The following INPP5B variants were observed in gnomAD, a reference collection of about 807,000 sequenced individuals.
INPP5B encodes type II inositol 1,4,5-trisphosphate 5-phosphatase.
A neutral mutation model predicts 118.5 loss-of-function variants in INPP5B; 90 were observed. That is an observed-to-expected ratio of 0.76 (90% CI 0.64 to 0.90). The LOEUF (loss-of-function observed/expected upper bound fraction) is 0.90, where lower values mean the gene tolerates loss of function less well. Ranked by LOEUF, INPP5B falls within the 40% of genes least tolerant of loss-of-function variation. The pLI is 0.00. For missense variants in INPP5B, 984 were observed against 1,125.6 expected (o/e 0.87, Z 1.80); for synonymous variants, 385 against 418.9 (o/e 0.92, Z 0.99).
intron 17 of INPP5B, 53 bp from the exon 18 acceptor site, chr1:37,874,208 GC>G: frequency 1.4e-6 from 2 of 1,395,146 alleles, no homozygotes; most frequent in Non-Finnish European, 1.9e-6. Flanking sequence ...TCAGCAACCT[GC>G]CCAGCCACCC....
At position 37,911,944 on chromosome 1, in the gene INPP5B, C is replaced by T. The variant is rs537815468; in HGVS notation, c.532+19969G>A. Among the ~76,000 whole-genome samples the T allele has an allele frequency of 5.3e-5, 8 of 152,290 alleles. No individual in the cohort carries two copies. In the East Asian group the frequency reaches 1.5e-3, roughly 29 times the overall value. On this transcript the variant is annotated intron_variant, in intron 7 of 23. Transcript: ENST00000373024. ...CGGCCAGGACTGGACAGTACTTTGC[C>T]CTTCTCAGAATTAGAGCCTGTCCTC...
At chr1:37,901,299 G>A (rs1644323920) in intron 7 of INPP5B, among the ~76,000 whole-genome samples, 1 of 152,086 alleles carries the variant, frequency 6.6e-6, no homozygotes, top group Non-Finnish European at 1.5e-5. Context: ...CTATCTTCCT[G>A]TGTGACATGA....
chr1:37,898,674 G>A (rs1385488912), intron 7 of INPP5B, among the ~76,000 whole-genome samples: 2 of 148,066 alleles, frequency 1.4e-5, no homozygotes, highest in Non-Finnish European at 3.0e-5. Flanking sequence ...TGGCCTGGGC[G>A]AAAGGTGAGA....
chr1:37,887,649 CA>C (rs1643617409), intron 10 of INPP5B, among the ~76,000 whole-genome samples, 184 bp from the exon 11 acceptor site: 1 of 152,060 alleles, frequency 6.6e-6, no homozygotes, highest in African/African-American at 2.4e-5. Flanking sequence ...CTGTTGCAAA[CA>C]AAAACCCATT....
rs185569565 is a variant in INPP5B, at chr1:37,945,783, C to A, written c.125G>T (p.Arg42Leu). Residue 42 changes from arginine to leucine, a missense_variant, in exon 3 of 24, where the codon CGC (arginine) becomes CTC (leucine). By Grantham distance (102) the Arg-to-Leu change is moderately radical. Around this residue, in one of 2 missense-constraint regions of INPP5B, gnomAD observed 350 missense variants for 334.6 expected, o/e 1.05. Coordinates refer to ENST00000373024, the MANE Select transcript of INPP5B (RefSeq NM_005540.3). Reference protein sequence around the residue: ...QSRLLGLVRYRLEHGGQEHAL... With the variant: ...QSRLLGLVRYLLEHGGQEHAL... ...GTGTTCCTGGCCGCCGTGCTCCAGG[C>A]GGTAGCGCACGAGTCCCAGGAGGCG... The A allele has an allele frequency of 1.9e-6, 3 of 1,613,840 alleles. No homozygotes were observed. The African/African-American group carries it at 4.0e-5, about 22-fold the overall frequency.
rs927824248 is a variant in INPP5B, at chr1:37,894,565, T to C, written c.533-3111A>G. ...GCGTCTATGTTTTTCTTTTTTCTTTTTTTTTTTTTTTTTTGAGACAGGGTC... is the reference window on the plus strand; with the variant it reads ...GCGTCTATGTTTTTCTTTTTTCTTTCTTTTTTTTTTTTTTGAGACAGGGTC... On this transcript the variant is annotated intron_variant, in intron 7 of 23. Coordinates refer to ENST00000373024, the MANE Select transcript of INPP5B (RefSeq NM_005540.3). 1.1e-4 allele frequency among the ~76,000 whole-genome samples: 13 copies of C among 122,954 alleles called. No homozygotes were observed. In the South Asian group the frequency reaches 1.7e-3, roughly 16 times the overall value. 80.7% of individuals were successfully genotyped at this position (122,954 alleles called of 152,430 possible). A position where few individuals can be genotyped will look rare whatever the true frequency, so the allele number is the denominator to read the frequency against.
rs1437447044 is a variant in INPP5B at position 37,865,895 on chromosome 1, GC to G, written c.2387-8del. 20 of 1,611,912 alleles carry G rather than the reference GC, an allele frequency of 1.2e-5. No homozygotes were observed. Among genetic ancestry groups the G allele is most frequent in the East Asian group, 2.2e-5 (1 of 44,734 alleles). On this transcript the variant is annotated splice_polypyrimidine_tract_variant and splice_region_variant and intron_variant, in intron 21 of 23. Transcript: ENST00000373024. ...ACAGAATGATTGCTGGCAGCTTTTG[GC>G]CCCATTGTTAAGGAACCGATAATGC... is the stretch of plus-strand genomic sequence containing the variant.
At chr1:37,913,374 A>T (rs1313191512) in intron 7 of INPP5B, among the ~76,000 whole-genome samples, 1 of 152,052 alleles carries the variant, frequency 6.6e-6, no homozygotes. Context: ...GAGCCCCAAA[A>T]CTCGCCAACC....
At chr1:37,864,258 A>G in intron 23 of INPP5B, 54 bp downstream of exon 23, 1 of 988,196 alleles carries the variant, frequency 1.0e-6, no homozygotes. Flanking sequence ...CTCATTTCTC[A>G]TTACGAGTCT....
At position 37,873,061 on chromosome 1, in the gene INPP5B, C is replaced by T. The variant is rs778773049; in HGVS notation, c.2056G>A (p.Asp686Asn). 1 of 1,614,134 alleles carries T rather than the reference C, an allele frequency of 6.2e-7. No homozygotes were observed. Among genetic ancestry groups the T allele is most frequent in the South Asian group, 1.1e-5 (1 of 91,086 alleles). Residue 686 changes from aspartate to asparagine, a missense_variant, in exon 19 of 24, where the codon GAC (aspartate) becomes AAC (asparagine). Physicochemically the swap from Asp to Asn is conservative, Grantham distance 23 (BLOSUM62 1). This residue lies in a region of INPP5B where 634 missense variants were observed against 791.0 expected (regional missense o/e 0.80). Transcript: ENST00000373024. ...KIEDILVLHL[D>N]RGKDYFLSVS... ...GACAAAAAGTAATCCTTTCCCCTGT[C>T]CAAGTGCAGAACCAGAATGTCCTCA...
At chr1:37,863,095 G>A (rs1029189101) in intron 23 of INPP5B, among the ~76,000 whole-genome samples, 4 of 152,170 alleles carry the variant, frequency 2.6e-5, no homozygotes, top group Admixed American at 2.6e-4. Context: ...CACGGGCGTT[G>A]GAGGGTGTGG....
At chr1:37,863,116 C>T (rs1429695694) in intron 23 of INPP5B, among the ~76,000 whole-genome samples, 1 of 152,060 alleles carries the variant, frequency 6.6e-6, no homozygotes, top group Non-Finnish European at 1.5e-5. Context: ...CCCGGTGGCC[C>T]CTGTCCAAGG....
rs375729470 is a variant in INPP5B, at chr1:37,872,928, A to G, written c.2187+2T>C. ...GATGTTTCTTTGTGGCATATTACTC[A>G]CCAGCTCACTAATGGTTTCAAGTGG... On this transcript the variant is annotated splice_donor_variant, in intron 19 of 23. Transcript: ENST00000373024. LOFTEE classifies it high-confidence loss of function. 3.7e-6 allele frequency: 6 copies of G among 1,608,434 alleles called. No homozygotes were observed. The African/African-American group carries it at 5.4e-5, about 14-fold the overall frequency.
chr1:37,889,672 T>C lies in INPP5B; in HGVS notation c.682A>G (p.Thr228Ala). 1.2e-6 allele frequency: 2 copies of C among 1,613,852 alleles called. No homozygotes were observed. Among genetic ancestry groups the C allele is most frequent in the South Asian group, 2.2e-5 (2 of 91,012 alleles). ...AAAATATGAGCCTTGTCCGACACTG[T>C]GATAGTGGAGGAGCGAACCATGTCA... The part of the protein sequence containing the change: ...ITDMVRSSTI[T>A]VSDKAHILSM... Residue 228 changes from threonine (T) to alanine (A), a missense_variant, in exon 9 of 24, where the codon ACA becomes GCA. Thr to Ala is a moderately conservative substitution (Grantham distance 58). This residue lies in a region of INPP5B where 350 missense variants were observed against 334.6 expected (regional missense o/e 1.05). Coordinates refer to ENST00000373024, the MANE Select transcript of INPP5B (RefSeq NM_005540.3).
At chr1:37,876,584 G>A (rs1021374940) in intron 16 of INPP5B, among the ~76,000 whole-genome samples, 1 of 141,398 alleles carries the variant, frequency 7.1e-6, no homozygotes, top group African/African-American at 2.6e-5. Context: ...AAAAAAAAGG[G>A]CCCGGTGGCT....
intron 7 of INPP5B, among the ~76,000 whole-genome samples, chr1:37,919,763 A>AC (rs1644990453): frequency 6.6e-6 from 1 of 152,034 alleles, no homozygotes; most frequent in Non-Finnish European, 1.5e-5. Context: ...AAATGGCGAA[A>AC]CCCCATCTCT....
intron 8 of INPP5B, 93 bp downstream of exon 8, chr1:37,891,265 C>T: frequency 1.2e-6 from 1 of 845,438 alleles, no homozygotes; most frequent in Non-Finnish European, 1.9e-6. Flanking sequence ...GGCCAGCTAC[C>T]CTGGGACAAC....
intron 19 of INPP5B, among the ~76,000 whole-genome samples, chr1:37,872,118 G>A (rs1309998524): frequency 3.5e-5 from 5 of 143,988 alleles, no homozygotes; most frequent in African/African-American, 1.3e-4. Context: ...TGTAATCCCA[G>A]CACTTTGGGA....
chr1:37,882,763 G>T, intron 14 of INPP5B, 44 bp downstream of exon 14: 1 of 1,469,188 alleles, frequency 6.8e-7, no homozygotes, highest in Non-Finnish European at 9.5e-7. Flanking sequence ...TGCCCTCATG[G>T]TGGAGGACAG....
Sources: allele counts gnomAD v4.1 joint callset (sites outside exome capture counted in the v4.1 genomes callset), GRCh38; gene constraint gnomAD v4.1.1; regional missense constraint gnomAD v4.1.1; transcripts MANE v1.5; gene names NCBI Gene and HGNC (gene_info 2026-07-23, HGNC 2026-07-21).